Variants in EYS observed in about 807,000 individuals in gnomAD.
EYS encodes the protein EGF-like photoreceptor maintenance factor, also known as protein eyes shut homolog.
Under a neutral mutation model 282.1 loss-of-function variants are expected in EYS, and 250 were observed. The observed-to-expected ratio is 0.89, with a 90% CI of 0.80 to 0.98. The LOEUF is 0.98. Among genes scored for constraint, EYS ranks in the 50% least tolerant of loss-of-function variants. EYS has a pLI of 0.00. For missense variants in EYS, 4,016 were observed against 3,709.0 expected, an observed-to-expected ratio of 1.08 and a Z score of -2.15; for synonymous variants, 1,355 against 1,282.9, an observed-to-expected ratio of 1.06 and a Z score of -1.20.
At chr6:63,873,560 T>A (rs1302765282) in intron 35 of EYS, among the ~76,000 whole-genome samples, 1 of 152,186 alleles carries the variant, frequency 6.6e-6, no homozygotes. Flanking sequence ...TAGTTCTAGA[T>A]CCTTGAGGAA....
intron 11 of EYS, chr6:65,330,827 A>G: frequency 3.2e-6 from 3 of 940,286 alleles, no homozygotes; most frequent in South Asian, 4.9e-5. Flanking sequence ...AGATCCCTAT[A>G]CACATTTAGA....
intron 31 of EYS, among the ~76,000 whole-genome samples, chr6:64,152,902 C>T (rs1443026322): frequency 6.6e-6 from 1 of 151,872 alleles, no homozygotes; most frequent in Non-Finnish European, 1.5e-5. Flanking sequence ...ACAATAAAAC[C>T]CTATGGAGAT....
At chr6:65,044,437 T>C (rs75227816) in intron 13 of EYS, among the ~76,000 whole-genome samples, 11,904 of 151,796 alleles carry the variant, frequency 0.078, 600 homozygotes, top group African/African-American at 0.14. Flanking sequence ...TGGAGTCATA[T>C]ACAAAATATC....
In EYS at chr6:65,680,306, G is replaced by C. The variant is rs545378895; in HGVS notation, c.-448+26829C>G. 2.0e-5 allele frequency among the ~76,000 whole-genome samples: 3 copies of C among 151,986 alleles called. No individual in the cohort carries two copies. The South Asian group carries it at 6.2e-4, about 32-fold the overall frequency. The stretch of plus-strand genomic sequence containing the variant: ...CAAAGTTCCTTAACAATATGAACTA[G>C]ATTTGAAAGTTCCAACCACTTTCAA... On this transcript the variant is annotated intron_variant, in intron 1 of 42. Coordinates refer to ENST00000503581, the MANE Select transcript of EYS (RefSeq NM_001142800.2).
chr6:64,116,739 T>C (rs1010130957), intron 31 of EYS, among the ~76,000 whole-genome samples: 15 of 152,206 alleles, frequency 9.9e-5, no homozygotes, highest in African/African-American at 3.4e-4. Flanking sequence ...AATAAAAACA[T>C]TCAATGTAAA....
intron 22 of EYS, chr6:64,713,284 G>A (rs1228309334): frequency 6.6e-6 from 1 of 152,094 alleles, no homozygotes; most frequent in African/African-American, 2.4e-5. Context: ...TGAACCTCCT[G>A]CCTCTCCAAA....
intron 5 of EYS, among the ~76,000 whole-genome samples, chr6:65,407,943 A>G (rs1342704716): frequency 1.3e-5 from 2 of 152,096 alleles, no homozygotes; most frequent in African/African-American, 4.8e-5. Context: ...GATGCTTTTT[A>G]TCAGGCTGAG....
At chr6:65,697,859 A>G (rs1769511830) in intron 1 of EYS, among the ~76,000 whole-genome samples, 1 of 152,180 alleles carries the variant, frequency 6.6e-6, no homozygotes, top group Non-Finnish European at 1.5e-5. Context: ...ACAGTTTATA[A>G]GACACAAGAA....
At chr6:63,784,285 G>T (rs1055211953) in intron 39 of EYS, among the ~76,000 whole-genome samples, 1 of 151,996 alleles carries the variant, frequency 6.6e-6, no homozygotes, top group Non-Finnish European at 1.5e-5. Flanking sequence ...CTCTCTCTGT[G>T]CACACCTGAT....
intron 8 of EYS, among the ~76,000 whole-genome samples, chr6:65,369,371 T>C (rs1360380779): frequency 7.0e-6 from 1 of 143,288 alleles, no homozygotes; most frequent in East Asian, 2.3e-4. Flanking sequence ...AAGTGCTTAG[T>C]CTGTTCCAAC....
At chr6:65,288,536 C>G (rs948425005) in intron 12 of EYS, among the ~76,000 whole-genome samples, 3 of 150,712 alleles carry the variant, frequency 2.0e-5, no homozygotes, top group African/African-American at 7.3e-5. Flanking sequence ...AATTGACCTC[C>G]TACCATCAAA....
intron 29 of EYS, among the ~76,000 whole-genome samples, chr6:64,369,036 G>A: frequency 6.6e-6 from 1 of 152,060 alleles, no homozygotes; most frequent in Non-Finnish European, 1.5e-5. Context: ...TATAGTTTGA[G>A]GGTTACACTT....
chr6:64,452,185 A>G (rs1227946189), intron 26 of EYS, among the ~76,000 whole-genome samples: 1 of 152,172 alleles, frequency 6.6e-6, no homozygotes, highest in Non-Finnish European at 1.5e-5. Context: ...TCAATGTGCA[A>G]AAATCACAAG....
intron 29 of EYS, among the ~76,000 whole-genome samples, chr6:64,308,842 T>A (rs1769559421): frequency 6.6e-6 from 1 of 152,112 alleles, no homozygotes; most frequent in African/African-American, 2.4e-5. Context: ...CACAGTAAGT[T>A]TACAAACAAG....
At chr6:64,408,758 G>C (rs1199766984) in intron 28 of EYS, among the ~76,000 whole-genome samples, 1 of 152,124 alleles carries the variant, frequency 6.6e-6, no homozygotes, top group African/African-American at 2.4e-5. Flanking sequence ...TGACTCTTTT[G>C]TTTTTTCTTC....
At chr6:64,973,999 T>G (rs1770388700) in intron 14 of EYS, among the ~76,000 whole-genome samples, 1 of 151,858 alleles carries the variant, frequency 6.6e-6, no homozygotes, top group Non-Finnish European at 1.5e-5. Context: ...AAACATTCAT[T>G]GAGAAAGAGA....
chr6:64,062,876 T>A (rs1771226740), intron 33 of EYS, among the ~76,000 whole-genome samples: 1 of 152,132 alleles, frequency 6.6e-6, no homozygotes, highest in Non-Finnish European at 1.5e-5. Flanking sequence ...AATTAAAACT[T>A]CAAAGAGTTG....
At chr6:65,240,652 T>C (rs2150275515) in intron 12 of EYS, among the ~76,000 whole-genome samples, 1 of 152,370 alleles carries the variant, frequency 6.6e-6, no homozygotes, top group Middle Eastern at 3.4e-3. Context: ...TTCTGTGGTA[T>C]ATATCACCAC....
chr6:63,966,907 C>A (rs1043107122), intron 35 of EYS, among the ~76,000 whole-genome samples: 5 of 152,082 alleles, frequency 3.3e-5, no homozygotes, highest in Non-Finnish European at 7.4e-5. Context: ...CAATCCAGGA[C>A]CCCCAGTGGA....
Sources: allele counts gnomAD v4.1 joint callset (sites outside exome capture counted in the v4.1 genomes callset), GRCh38; gene constraint gnomAD v4.1.1; transcripts MANE v1.5; gene names NCBI Gene and HGNC (gene_info 2026-07-23, HGNC 2026-07-21).